MBNL1: variants seen among roughly 807,000 people sequenced by gnomAD.
The protein encoded by MBNL1 is muscleblind-like protein 1.
Under a neutral mutation model 42.2 loss-of-function variants are expected in MBNL1, and 8 were observed. That is an observed-to-expected ratio of 0.19 (90% CI 0.11 to 0.34). The LOEUF is 0.34. MBNL1 is among the 10% of genes least tolerant of loss of function. MBNL1 has a pLI of 1.00. For synonymous variants in MBNL1, 169 were observed against 173.9 expected (o/e 0.97, Z 0.22); for missense variants, 309 against 495.3 (o/e 0.62, Z 3.57).
chr3:152,247,135 G>A (rs2033245898), intron 2 of MBNL1, among the ~76,000 whole-genome samples: 1 of 152,076 alleles, frequency 6.6e-6, no homozygotes, highest in Admixed American at 6.6e-5. Flanking sequence ...AGAGAAGAAA[G>A]TTTGTTGCCT....
chr3:152,284,558 TAAA>T (rs749920835), intron 1 of MBNL1, among the ~76,000 whole-genome samples: 2 of 151,842 alleles, frequency 1.3e-5, no homozygotes, highest in Admixed American at 6.6e-5. Context: ...ATTGCAGTTT[TAAA>T]AAAAGATCGC....
intron 2 of MBNL1, among the ~76,000 whole-genome samples, chr3:152,375,967 A>G (rs890673035): frequency 2.0e-5 from 3 of 152,176 alleles, no homozygotes; most frequent in East Asian, 1.9e-4. Context: ...TTGAGATGCA[A>G]TGTTAGCCAC....
At chr3:152,431,408 A>AT (rs2099005435) in intron 3 of MBNL1, among the ~76,000 whole-genome samples, 1 of 152,190 alleles carries the variant, frequency 6.6e-6, no homozygotes, top group South Asian at 2.1e-4. Flanking sequence ...TAGAGGATAT[A>AT]TTTTATCTTT....
intron 2 of MBNL1, among the ~76,000 whole-genome samples, chr3:152,406,120 G>C (rs2098421210): frequency 6.6e-6 from 1 of 152,160 alleles, no homozygotes; most frequent in African/African-American, 2.4e-5. Context: ...TTTGGCTCAG[G>C]GATGGTGGTC....
intron 2 of MBNL1, among the ~76,000 whole-genome samples, chr3:152,252,264 A>T (rs2034741943): frequency 8.3e-6 from 1 of 120,738 alleles, no homozygotes. Context: ...CCTTCCCTTT[A>T]TTCCTCCCTT....
chr3:152,313,531 T>C (rs2068369932), intron 2 of MBNL1, among the ~76,000 whole-genome samples: 2 of 152,314 alleles, frequency 1.3e-5, no homozygotes, highest in Non-Finnish European at 1.5e-5. Flanking sequence ...CAGTTAGATA[T>C]AAATCATTTA....
intron 1 of MBNL1, among the ~76,000 whole-genome samples, chr3:152,288,365 A>T (rs764716973): frequency 2.6e-5 from 4 of 152,188 alleles, no homozygotes; most frequent in Non-Finnish European, 5.9e-5. Flanking sequence ...CTCAGGAATG[A>T]CTGCGAGTGG....
chr3:152,318,664 G>A (rs1577774996), intron 2 of MBNL1, among the ~76,000 whole-genome samples: 1 of 152,298 alleles, frequency 6.6e-6, no homozygotes, highest in East Asian at 1.9e-4. Context: ...TTCACCCAGA[G>A]ACATAGTGCT....
chr3:152,427,057 G>A (rs569709595), intron 3 of MBNL1, among the ~76,000 whole-genome samples: 2 of 152,312 alleles, frequency 1.3e-5, no homozygotes, highest in African/African-American at 4.8e-5. Context: ...CTTTATCCCA[G>A]AGTGTTTCTG....
intron 4 of MBNL1, among the ~76,000 whole-genome samples, chr3:152,444,828 GT>G (rs1162873510): frequency 6.6e-6 from 1 of 152,100 alleles, no homozygotes; most frequent in African/African-American, 2.4e-5. Flanking sequence ...TTCATCTGAT[GT>G]TTCATCTTGA....
rs2090032646 is a variant in MBNL1 at position 152,336,187 on chromosome 3, A to C, written c.174+35820A>C. Among the ~76,000 whole-genome samples the C allele has an allele frequency of 1.5e-5, 2 of 133,828 alleles. 1 individual carries two copies. Among genetic ancestry groups the C allele is most frequent in the Admixed American group, 1.5e-4 (2 of 13,376 alleles). 87.8% of individuals were successfully genotyped at this position (133,828 alleles called of 152,430 possible). Reference sequence around the variant, plus strand: ...TTTTATTCAAAAATGTAATCTGAAGAGCTTCATAAGTGAATAAACCTACAA... The same window carrying C: ...TTTTATTCAAAAATGTAATCTGAAGCGCTTCATAAGTGAATAAACCTACAA... On this transcript the variant is annotated intron_variant, in intron 2 of 9. Transcript: ENST00000324210.
At chr3:152,355,463 A>G (rs1389675155) in intron 2 of MBNL1, among the ~76,000 whole-genome samples, 4 of 152,220 alleles carry the variant, frequency 2.6e-5, no homozygotes, top group Admixed American at 1.3e-4. Context: ...ATGAAGCAAA[A>G]TATCATAATC....
At chr3:152,438,035 C>T (rs1274623324) in intron 4 of MBNL1, among the ~76,000 whole-genome samples, 2 of 152,156 alleles carry the variant, frequency 1.3e-5, no homozygotes, top group African/African-American at 2.4e-5. Context: ...TTATTCAAAT[C>T]TGTAGAGTCT....
At chr3:152,260,409 A>ATGAGTT (rs1400228333) in intron 2 of MBNL1, among the ~76,000 whole-genome samples, 1 of 152,230 alleles carries the variant, frequency 6.6e-6, no homozygotes, top group Non-Finnish European at 1.5e-5. Context: ...TTATCTTCAA[A>ATGAGTT]TGAGTTTCAA....
chr3:152,340,439 A>T, intron 2 of MBNL1: 2 of 1,301,872 alleles, frequency 1.5e-6, no homozygotes, highest in Non-Finnish European at 2.1e-6. Context: ...GTTCAGTTCC[A>T]TTTTTTTTTT....
chr3:152,266,155 G>C (rs1292963848), upstream of MBNL1: 1 of 152,062 alleles, frequency 6.6e-6, no homozygotes, highest in Non-Finnish European at 1.5e-5. Flanking sequence ...AATTTATTTG[G>C]ACTCGAGTTA....
intron 1 of MBNL1, among the ~76,000 whole-genome samples, chr3:152,285,691 T>C (rs1026766093): frequency 1.4e-5 from 2 of 148,060 alleles, no homozygotes; most frequent in African/African-American, 2.5e-5. Context: ...TGCAGTGGCA[T>C]GATCTCATCT....
In MBNL1 at chr3:152,456,327, G is replaced by C; in HGVS notation, c.1058G>C (p.Ser353Thr). ...TCCGCAGCAACAACATCTGCCACAA[G>C]TGTTCCCTTCGCTGCAACAGCCACA... The part of the protein sequence containing the change: ...TVSAATTSAT[S>T]VPFAATATAN... Residue 353 changes from serine (S) to threonine (T), a missense_variant, in exon 8 of 10, where the codon AGT becomes ACT. Ser to Thr is a moderately conservative substitution (Grantham distance 58). Coordinates refer to ENST00000324210, the MANE Select transcript of MBNL1 (RefSeq NM_021038.5). 6.2e-7 allele frequency: 1 copy of C among 1,614,020 alleles called. No homozygotes were observed. Among genetic ancestry groups the C allele is most frequent in the Non-Finnish European group, 8.5e-7 (1 of 1,179,916 alleles).
At chr3:152,383,897 C>T (rs1444231478) in intron 2 of MBNL1, among the ~76,000 whole-genome samples, 2 of 151,966 alleles carry the variant, frequency 1.3e-5, no homozygotes, top group African/African-American at 4.8e-5. Context: ...TGGACATTAG[C>T]AGATCTATAT....
Sources: allele counts gnomAD v4.1 joint callset (sites outside exome capture counted in the v4.1 genomes callset), GRCh38; gene constraint gnomAD v4.1.1; transcripts MANE v1.5; gene names NCBI Gene and HGNC (gene_info 2026-07-23, HGNC 2026-07-21).